The following DTX2 variants were observed in gnomAD, a reference collection of about 807,000 sequenced individuals.
DTX2 encodes deltex E3 ubiquitin ligase 2.
In DTX2, 29 loss-of-function variants were observed where a neutral mutation model predicts 55.3. That is an observed-to-expected ratio of 0.52 (90% confidence interval 0.39 to 0.71). The LOEUF is 0.71. Ranked by LOEUF, DTX2 falls within the 30% of genes least tolerant of loss-of-function variation. The pLI is 0.00. For missense variants in DTX2, 537 were observed against 822.5 expected, an observed-to-expected ratio of 0.65 and a Z score of 4.25; for synonymous variants, 276 against 340.4, an observed-to-expected ratio of 0.81 and a Z score of 2.08.
chr7:76,476,778 G>A (rs1808590760), intron 2 of DTX2, among the ~76,000 whole-genome samples: 2 of 151,606 alleles, frequency 1.3e-5, no homozygotes, highest in Non-Finnish European at 2.9e-5. Flanking sequence ...TGGCGGGCTT[G>A]GTGTGAGTAG....
rs755973929 is a variant in DTX2, at chr7:76,502,345, C to T, written c.1278C>T (p.Ser426=). Residue 426 remains serine, a synonymous_variant, in exon 8 of 11, where the codon AGC becomes AGT. Coordinates refer to ENST00000430490, the MANE Select transcript of DTX2 (RefSeq NM_001102594.3). ...AGCTGTCCACAGCGTCTGGATACAGCGATGTGACTGACAGCAAGGCAATCG... is the reference window on the plus strand; with the variant it reads ...AGCTGTCCACAGCGTCTGGATACAGTGATGTGACTGACAGCAAGGCAATCG... The part of the protein sequence containing the change: ...MEKLSTASGY[S]DVTDSKAIGS... 9 of 1,610,596 alleles carry T rather than the reference C, an allele frequency of 5.6e-6. No individual in the cohort carries two copies. The highest frequency in any genetic ancestry group is 1.7e-4 in the Middle Eastern group (1 of 6,006).
chr7:76,497,136 GCT>G (rs1810991634), intron 5 of DTX2, among the ~76,000 whole-genome samples, 199 bp from the exon 6 acceptor site: 1 of 140,204 alleles, frequency 7.1e-6, no homozygotes, highest in Non-Finnish European at 1.5e-5. Context: ...AAACCTGTGG[GCT>G]CTGGGGCCAG....
At chr7:76,503,353 A>G (rs1811949603) in intron 8 of DTX2, 73 bp from the exon 9 acceptor site, 3 of 1,520,512 alleles carry the variant, frequency 2.0e-6, no homozygotes, top group Non-Finnish European at 2.7e-6. Flanking sequence ...GCCCTTTACC[A>G]TCTGACGGTG....
rs116187285 is a variant in DTX2, at chr7:76,505,167, G to C, written c.1642-207G>C. Reference sequence around the variant, plus strand: ...AGTGCCAGGCACTGAGGCGGGGTGGGCTGGAGCCCAGGTTCATGTGGGATC... The same window carrying C: ...AGTGCCAGGCACTGAGGCGGGGTGGCCTGGAGCCCAGGTTCATGTGGGATC... On this transcript the variant is annotated intron_variant, in intron 10 of 10. Coordinates refer to ENST00000430490, the MANE Select transcript of DTX2 (RefSeq NM_001102594.3). This position sits in a 1 kb window ranked among gnomAD's most constrained non-coding sequence, Gnocchi z 4.4. 0.012 allele frequency among the ~76,000 whole-genome samples: 1,803 copies of C among 152,206 alleles called. 36 individuals are homozygous for C. Among genetic ancestry groups the C allele is most frequent in the African/African-American group, 0.041 (1,719 of 41,516 alleles).
chr7:76,477,659 A>G (rs1236171556), intron 2 of DTX2, among the ~76,000 whole-genome samples: 3 of 137,816 alleles, frequency 2.2e-5, no homozygotes, highest in Admixed American at 1.5e-4. Context: ...TCAGTTGAGT[A>G]TGGTGGCACA....
At chr7:76,466,685 G>T (rs1260931289) in intron 2 of DTX2, among the ~76,000 whole-genome samples, 3 of 152,098 alleles carry the variant, frequency 2.0e-5, no homozygotes, top group Non-Finnish European at 2.9e-5. Context: ...TCCACCTCCC[G>T]GGTTCAAGCT....
chr7:76,478,615 G>A (rs1808810935), intron 2 of DTX2, among the ~76,000 whole-genome samples: 1 of 143,236 alleles, frequency 7.0e-6, no homozygotes, highest in Admixed American at 7.0e-5. Context: ...ATCTCACTAT[G>A]TTGCCCAGGC....
intron 6 of DTX2, among the ~76,000 whole-genome samples, chr7:76,498,952 G>T (rs1811291992): frequency 1.6e-5 from 1 of 60,858 alleles, no homozygotes; most frequent in Non-Finnish European, 3.0e-5. Context: ...GGAGGTGGGT[G>T]TGTGGGGTGT....
intron 2 of DTX2, among the ~76,000 whole-genome samples, chr7:76,468,758 ATTTT>A (rs3972784): frequency 1.8e-4 from 5 of 27,028 alleles, no homozygotes; most frequent in African/African-American, 8.2e-4. Flanking sequence ...CACGCCCAGC[ATTTT>A]TTTTTTTTTT....
At chr7:76,503,389 G>C in intron 8 of DTX2, 37 bp from the exon 9 acceptor site, 1 of 1,600,094 alleles carries the variant, frequency 6.2e-7, no homozygotes, top group South Asian at 1.1e-5. Context: ...GGTGTTCTCA[G>C]ACTGCCAGCT....
chr7:76,474,304 C>T (rs1431055398), intron 2 of DTX2, among the ~76,000 whole-genome samples: 6 of 150,762 alleles, frequency 4.0e-5, no homozygotes, highest in African/African-American at 1.5e-4. Flanking sequence ...GTCCTCCCAC[C>T]TTGGCCTCCC....
chr7:76,471,833 C>T (rs1807960177), intron 2 of DTX2, among the ~76,000 whole-genome samples: 1 of 151,478 alleles, frequency 6.6e-6, no homozygotes, highest in Non-Finnish European at 1.5e-5. Flanking sequence ...ACCCAGGAGC[C>T]AGTGGGTTCT....
intron 2 of DTX2, chr7:76,477,008 G>C (rs1009239148): frequency 2.0e-5 from 3 of 152,138 alleles, no homozygotes; most frequent in African/African-American, 7.2e-5. Context: ...GACATACCCC[G>C]TGTGCCGATG....
Position 76,505,548 on chromosome 7 carries a change from C to T in DTX2, c.1816C>T (p.Leu606=). ...YPDPNYLQNV[L]AELAAQGVTE... ...CGACCCCAACTACCTGCAGAACGTG[C>T]TGGCTGAGCTGGCTGCCCAGGGGGT... Residue 606 remains leucine (L), a synonymous_variant, in exon 11 of 11, where the codon CTG becomes TTG. Transcript: ENST00000430490. The surrounding 1 kb of genome is among the most constrained non-coding windows in gnomAD (Gnocchi z 4.4). The T allele has an allele frequency of 6.2e-7, 1 of 1,604,620 alleles. No individual in the cohort carries two copies. The highest frequency in any genetic ancestry group is 8.5e-7 in the Non-Finnish European group (1 of 1,176,640).
Position 76,482,869 on chromosome 7 carries a change from G to A in DTX2, c.630G>A (p.Val210=). The A allele has an allele frequency of 1.2e-6, 2 of 1,613,774 alleles. No homozygotes were observed. The highest frequency in any genetic ancestry group is 1.7e-6 in the Non-Finnish European group (2 of 1,179,740). ...QCLSGSRTGP[V]SGRYRHSMTN... is the part of the protein sequence containing the mutation. ...TCAGTGGCAGCAGAACTGGCCCCGT[G>A]TCAGGCCGCTACCGCCACTCCATGA... The change falls in exon 4 of 11, where the codon GTG becomes GTA. Residue 210 remains valine, a synonymous_variant. Coordinates refer to ENST00000430490, the MANE Select transcript of DTX2 (RefSeq NM_001102594.3).
chr7:76,472,727 A>G (rs1278755296), intron 2 of DTX2, among the ~76,000 whole-genome samples: 1 of 151,176 alleles, frequency 6.6e-6, no homozygotes, highest in Admixed American at 6.6e-5. Context: ...TCTCCTATAT[A>G]TGAAGAAGAA....
chr7:76,498,751 G>A (rs531186811), intron 6 of DTX2, among the ~76,000 whole-genome samples: 9 of 122,376 alleles, frequency 7.4e-5, no homozygotes, highest in South Asian at 2.9e-4. Flanking sequence ...CTGGTCTGGC[G>A]TTCTCGCCAC....
intron 7 of DTX2, chr7:76,501,268 C>T (rs1321247541): frequency 1.1e-5 from 5 of 455,948 alleles, no homozygotes; most frequent in Non-Finnish European, 1.8e-5. Context: ...TTTCTCCAGT[C>T]TGTTGAGTCC....
In DTX2 at chr7:76,482,647, G is replaced by A; in HGVS notation, c.408G>A (p.Val136=). 1 of 1,613,824 alleles carries A rather than the reference G, an allele frequency of 6.2e-7. No individual in the cohort carries two copies. Among genetic ancestry groups the A allele is most frequent in the Non-Finnish European group, 8.5e-7 (1 of 1,179,800 alleles). The change falls in exon 4 of 11, where the codon GTG becomes GTA. Residue 136 remains valine, a synonymous_variant. Coordinates refer to ENST00000430490, the MANE Select transcript of DTX2 (RefSeq NM_001102594.3). ...TCTGTGACTATCTGGAGCAGCAGGT[G>A]GCCAGGGGCAACCAGCTCGTGGACT... The part of the protein sequence containing the change: ...ASVCDYLEQQ[V]ARGNQLVDLA...
Sources: allele counts gnomAD v4.1 joint callset (sites outside exome capture counted in the v4.1 genomes callset), GRCh38; gene constraint gnomAD v4.1.1; non-coding constraint Gnocchi (gnomAD v3.1); transcripts MANE v1.5; gene names NCBI Gene and HGNC (gene_info 2026-07-23, HGNC 2026-07-21).